The following ARID1B variants were observed in gnomAD, a reference collection of about 807,000 sequenced individuals.
ARID1B encodes the protein AT-rich interaction domain 1B, also known as AT-rich interactive domain-containing protein 1B.
A neutral mutation model predicts 212.3 loss-of-function variants in ARID1B; 30 were observed. The ratio of observed to expected loss-of-function variants is 0.14; its 90% CI spans 0.11 to 0.19. The LOEUF (loss-of-function observed/expected upper bound fraction) is 0.19, where lower values mean the gene tolerates loss of function less well. ARID1B is among the 10% of genes least tolerant of loss of function. The probability of loss-of-function intolerance (pLI) is 1.00; values close to 1 mark genes in which losing one functional copy is unlikely to be tolerated. For missense variants in ARID1B, 2,891 were observed against 3,204.0 expected, an observed-to-expected ratio of 0.90 and a Z score of 2.36; for synonymous variants, 1,402 against 1,301.7, an observed-to-expected ratio of 1.08 and a Z score of -1.66.
chr6:156,815,514 G>C (rs1044131437), intron 1 of ARID1B, among the ~76,000 whole-genome samples: 6 of 152,090 alleles, frequency 3.9e-5, no homozygotes, highest in Non-Finnish European at 7.4e-5. Context: ...TTTTCATACT[G>C]TCAGAATTTC....
intron 8 of ARID1B, chr6:157,150,846 C>G (rs1371630676): frequency 5.5e-6 from 1 of 180,778 alleles, no homozygotes; most frequent in Non-Finnish European, 1.2e-5. Context: ...CCAGCCTGAC[C>G]AGTACGGGTA....
In ARID1B at chr6:157,207,505, C is replaced by G; in HGVS notation, c.6733C>G (p.Arg2245Gly). The change falls in exon 20 of 20, where the codon CGC (arginine) becomes GGC (glycine). Residue 2245 changes from arginine (R) to glycine (G), a missense_variant. Physicochemically the swap from Arg to Gly is moderately radical, Grantham distance 125. This residue lies in a region of ARID1B where 187 missense variants were observed against 306.5 expected (regional missense o/e 0.61). Transcript: ENST00000636930. This position sits in a 1 kb window ranked among gnomAD's most constrained non-coding sequence, Gnocchi z 8.5. ...TACATTAGTTAGGTACGTTGGGGATCGCAAAAACCCAGTCTGTCGAGAAAT... is the reference window on the plus strand; with the variant it reads ...TACATTAGTTAGGTACGTTGGGGATGGCAAAAACCCAGTCTGTCGAGAAAT... ...YATLVRYVGD[R>G]KNPVCREMSM... is the part of the protein sequence containing the mutation. The G allele has an allele frequency of 6.2e-7, 1 of 1,614,132 alleles. No homozygotes were observed. The highest frequency in any genetic ancestry group is 1.1e-5 in the South Asian group (1 of 91,080).
intron 1 of ARID1B, among the ~76,000 whole-genome samples, chr6:156,806,604 C>T (rs987064321): frequency 6.6e-6 from 1 of 152,134 alleles, no homozygotes; most frequent in Non-Finnish European, 1.5e-5. Context: ...GTTAATATCC[C>T]TGTTTCGTGT....
intron 4 of ARID1B, among the ~76,000 whole-genome samples, chr6:156,944,358 T>C (rs2128291644): frequency 1.3e-5 from 2 of 152,306 alleles, no homozygotes; most frequent in Middle Eastern, 3.4e-3. Context: ...AATCTTACTA[T>C]GCAGGCCATT....
chr6:157,029,029 C>T (rs193040008), intron 4 of ARID1B, among the ~76,000 whole-genome samples: 2 of 152,258 alleles, frequency 1.3e-5, no homozygotes, highest in Admixed American at 1.3e-4. Flanking sequence ...TACCTCTTAA[C>T]TCAGGATGGA....
chr6:157,105,850 T>G (rs1329054631), intron 5 of ARID1B, among the ~76,000 whole-genome samples: 2 of 152,160 alleles, frequency 1.3e-5, no homozygotes, highest in African/African-American at 4.8e-5. Flanking sequence ...TCCGCCCGCC[T>G]CAGCCTCCCA....
intron 2 of ARID1B, among the ~76,000 whole-genome samples, chr6:156,871,972 T>A (rs1167334201): frequency 6.6e-6 from 1 of 152,258 alleles, no homozygotes; most frequent in Non-Finnish European, 1.5e-5. Flanking sequence ...TCTGTTTTTC[T>A]CCATGTTCTT....
At chr6:157,204,426 G>C (rs1247571633) in intron 19 of ARID1B, 3 of 155,492 alleles carry the variant, frequency 1.9e-5, no homozygotes, top group African/African-American at 4.8e-5. Flanking sequence ...TCATTAAAAA[G>C]ATATTCAAGA....
intron 1 of ARID1B, among the ~76,000 whole-genome samples, chr6:156,814,632 A>G (rs1781834276): frequency 1.3e-5 from 2 of 152,174 alleles, no homozygotes; most frequent in Non-Finnish European, 2.9e-5. Context: ...TGGGAAATGC[A>G]ACCATGAGCT....
Position 157,201,011 on chromosome 6 carries a change from T to C in ARID1B, c.4786T>C (p.Tyr1596His). Residue 1596 changes from tyrosine (Y) to histidine (H), a missense_variant, in exon 18 of 20, where the codon TAT becomes CAT. By Grantham distance (83) the Tyr-to-His change is moderately conservative (BLOSUM62 2). Around this residue, in one of 7 missense-constraint regions of ARID1B, gnomAD observed 666 missense variants for 873.5 expected, o/e 0.76. Transcript: ENST00000636930. This position sits in a 1 kb window ranked among gnomAD's most constrained non-coding sequence, Gnocchi z 5.2. The part of the protein sequence containing the change: ...NMWAARNDMP[Y>H]PYQNRQGPGG... ...GTGGGCAGCACGCAATGATATGCCTTATCCCTACCAGAACAGGCAGGGCCC... is the reference window on the plus strand; with the variant it reads ...GTGGGCAGCACGCAATGATATGCCTCATCCCTACCAGAACAGGCAGGGCCC... 1.2e-6 allele frequency: 2 copies of C among 1,614,012 alleles called. No homozygotes were observed. The highest frequency in any genetic ancestry group is 1.3e-5 in the African/African-American group (1 of 75,038).
chr6:156,989,797 T>G (rs1583091321), intron 4 of ARID1B, among the ~76,000 whole-genome samples: 1 of 151,986 alleles, frequency 6.6e-6, no homozygotes, highest in South Asian at 2.1e-4. Context: ...ATAGTTGAGG[T>G]GATGGTGGGA....
At chr6:157,102,081 C>T (rs772791336) in intron 5 of ARID1B, among the ~76,000 whole-genome samples, 3 of 152,056 alleles carry the variant, frequency 2.0e-5, no homozygotes, top group African/African-American at 7.3e-5. Context: ...GGTTTGTTTG[C>T]CAGAATTGGT....
chr6:156,893,060 T>TTTTTTTTTTTTTTTTTTTTTTTTG lies in ARID1B; in HGVS notation c.1987-8316_1987-8315insTTTTTTTTTTTTTTTTTTTTTTTG, dbSNP rs1268821728. Among the ~76,000 whole-genome samples, 4 of 137,700 alleles carry TTTTTTTTTTTTTTTTTTTTTTTTG rather than the reference T, an allele frequency of 2.9e-5. 1 individual carries two copies. The highest frequency in any genetic ancestry group is 8.3e-5 in the African/African-American group (3 of 36,090). The allele number at this position is 137,700 out of a possible 152,430, so 90.3% of individuals were successfully genotyped here. ...TTTTTTCTTCCTTTTTTTTTTTTTTTGAGATGGAGTCTTGCCCTGTCACCC... is the reference window on the plus strand; with the variant it reads ...TTTTTTCTTCCTTTTTTTTTTTTTTTTTTTTTTTTTTTTTTTTTTTTTTGGAGATGGAGTCTTGCCCTGTCACCC... On this transcript the variant is annotated intron_variant, in intron 2 of 19. Coordinates refer to ENST00000636930, the MANE Select transcript of ARID1B (RefSeq NM_001374828.1).
At chr6:156,965,344 C>CT (rs951416433) in intron 4 of ARID1B, among the ~76,000 whole-genome samples, 1 of 152,202 alleles carries the variant, frequency 6.6e-6, no homozygotes, top group African/African-American at 2.4e-5. Flanking sequence ...ATGAAGGCAC[C>CT]TGTCTTCCTC....
At chr6:157,096,627 C>T (rs1380059718) in intron 5 of ARID1B, among the ~76,000 whole-genome samples, 1 of 152,242 alleles carries the variant, frequency 6.6e-6, no homozygotes, top group Non-Finnish European at 1.5e-5. Flanking sequence ...TGTCCCCTGG[C>T]ACTCAGCATG....
In ARID1B at chr6:157,196,149, A is replaced by T. The variant is rs1793703471; in HGVS notation, c.4232-16A>T. On this transcript the variant is annotated splice_polypyrimidine_tract_variant and intron_variant, in intron 15 of 19. Coordinates refer to ENST00000636930, the MANE Select transcript of ARID1B (RefSeq NM_001374828.1). ...AGAAATGCCTAAATGTATGCATTTTATTTAAAATATTGCAGTGCCTGGAAG... is the reference window on the plus strand; with the variant it reads ...AGAAATGCCTAAATGTATGCATTTTTTTTAAAATATTGCAGTGCCTGGAAG... 13 of 1,611,000 alleles carry T rather than the reference A, an allele frequency of 8.1e-6. No individual in the cohort carries two copies. The highest frequency in any genetic ancestry group is 1.1e-5 in the Non-Finnish European group (13 of 1,179,338).
intron 4 of ARID1B, among the ~76,000 whole-genome samples, chr6:157,041,229 G>GTATATCATT (rs1781853268): frequency 6.6e-6 from 1 of 152,158 alleles, no homozygotes; most frequent in African/African-American, 2.4e-5. Flanking sequence ...ACCGTGCCTT[G>GTATATCATT]TATATCATTA....
At chr6:157,057,109 G>A (rs1783014987) in intron 4 of ARID1B, among the ~76,000 whole-genome samples, 1 of 151,524 alleles carries the variant, frequency 6.6e-6, no homozygotes, top group Non-Finnish European at 1.5e-5. Context: ...CCATTCTCCT[G>A]TCTCAGCCTC....
intron 5 of ARID1B, among the ~76,000 whole-genome samples, chr6:157,089,728 G>C (rs1243698739): frequency 6.6e-6 from 1 of 152,120 alleles, no homozygotes; most frequent in Admixed American, 6.5e-5. Flanking sequence ...TTTATATTTA[G>C]AGACAGAAAT....
Sources: gnomAD v4.1 joint callset for allele counts (sites outside exome capture counted in the v4.1 genomes callset) on GRCh38, gnomAD v4.1.1 for gene constraint, gnomAD v4.1.1 regional missense constraint, Gnocchi (gnomAD v3.1) non-coding constraint, MANE v1.5 for transcripts, NCBI Gene and HGNC (gene_info 2026-07-23, HGNC 2026-07-21) for gene names.